OSBPL9: variants seen among roughly 807,000 people sequenced by gnomAD.
The protein encoded by OSBPL9 is oxysterol binding protein like 9.
Under a neutral mutation model 106.6 loss-of-function variants are expected in OSBPL9, and 40 were observed. The observed-to-expected ratio is 0.38, with a 90% CI of 0.29 to 0.49. The LOEUF (loss-of-function observed/expected upper bound fraction) is 0.49. Among genes scored for constraint, OSBPL9 ranks in the 20% least tolerant of loss-of-function variants. The probability of loss-of-function intolerance (pLI) is 0.97; values close to 1 mark genes in which losing one functional copy is unlikely to be tolerated. For synonymous variants in OSBPL9, 269 were observed against 295.4 expected (o/e 0.91, Z 0.92); for missense variants, 609 against 887.2 (o/e 0.69, Z 3.98).
chr1:51,748,872 G>C (rs1288040862), intron 7 of OSBPL9, among the ~76,000 whole-genome samples: 2 of 152,082 alleles, frequency 1.3e-5, no homozygotes, highest in Admixed American at 6.5e-5. Flanking sequence ...GATCACCTGA[G>C]GTTGGGAGTT....
At chr1:51,592,299 T>G (rs930379699) in intron 1 of OSBPL9, among the ~76,000 whole-genome samples, 2 of 151,896 alleles carry the variant, frequency 1.3e-5, no homozygotes, top group Non-Finnish European at 2.9e-5. Flanking sequence ...TATTTTTTAG[T>G]AGAGACAGGG....
chr1:51,629,614 C>T (rs1157060693), intron 1 of OSBPL9, among the ~76,000 whole-genome samples: 1 of 152,094 alleles, frequency 6.6e-6, no homozygotes, highest in African/African-American at 2.4e-5. Flanking sequence ...CGCTGAAATG[C>T]AACTGACAAA....
chr1:51,582,518 C>A (rs1174094475), intron 1 of OSBPL9, among the ~76,000 whole-genome samples: 1 of 151,880 alleles, frequency 6.6e-6, no homozygotes, highest in African/African-American at 2.4e-5. Flanking sequence ...TTAGTAGAGA[C>A]GGGGTTTCAC....
rs1478414345 is a variant in OSBPL9, at chr1:51,758,086, TGG to T, written c.582+1729_582+1730del. Among the ~76,000 whole-genome samples the T allele has an allele frequency of 2.0e-5, 3 of 152,270 alleles. No individual in the cohort carries two copies. The East Asian group carries it at 5.8e-4, about 29-fold the overall frequency. On this transcript the variant is annotated intron_variant, in intron 9 of 23. Transcript: ENST00000428468. The stretch of plus-strand genomic sequence containing the variant: ...CCTGAAGTTGGCTGACCAAGGACTG[TGG>T]ATAAGTGTAGCATAGTTATTTTTTC...
At chr1:51,678,896 C>A (rs1396403464) in intron 3 of OSBPL9, among the ~76,000 whole-genome samples, 2 of 152,188 alleles carry the variant, frequency 1.3e-5, no homozygotes, top group African/African-American at 4.8e-5. Flanking sequence ...GCTATCTCAA[C>A]ACTATCACTA....
chr1:51,610,724 A>G (rs187136560), intron 2 of OSBPL9, among the ~76,000 whole-genome samples: 18 of 152,348 alleles, frequency 1.2e-4, no homozygotes, highest in African/African-American at 3.6e-4. Flanking sequence ...GTAAGTAAAA[A>G]TGGTTTCTGG....
At chr1:51,646,673 GACTAC>G (rs1646175142) in intron 1 of OSBPL9, among the ~76,000 whole-genome samples, 1 of 152,120 alleles carries the variant, frequency 6.6e-6, no homozygotes, top group African/African-American at 2.4e-5. Context: ...GAGTAGCTGG[GACTAC>G]AGGCGCCCAC....
the OSBPL9 span, among the ~76,000 whole-genome samples, chr1:51,543,963 C>G: frequency 6.6e-6 from 1 of 152,202 alleles, no homozygotes; most frequent in Non-Finnish European, 1.5e-5. Flanking sequence ...CTGGCTAGGA[C>G]AATACTTCCC....
intron 4 of OSBPL9, among the ~76,000 whole-genome samples, chr1:51,727,981 A>C (rs992123352): frequency 2.0e-5 from 3 of 152,238 alleles, no homozygotes; most frequent in Non-Finnish European, 4.4e-5. Flanking sequence ...GTAGAAGTAA[A>C]TAAGTGAAGT....
At chr1:51,756,274 C>G (rs1175518874) in intron 8 of OSBPL9, 46 bp from the exon 9 acceptor site, 2 of 1,526,704 alleles carry the variant, frequency 1.3e-6, no homozygotes, top group South Asian at 1.1e-5. Flanking sequence ...CAAGGAGTTA[C>G]TTACATGTAA....
intron 3 of OSBPL9, chr1:51,669,933 C>G: frequency 2.6e-6 from 1 of 384,512 alleles, no homozygotes; most frequent in South Asian, 1.9e-5. Context: ...TAAATTGAAG[C>G]TTAGTGGCAA....
chr1:51,572,672 T>C (rs1262132175), upstream of OSBPL9, among the ~76,000 whole-genome samples: 2 of 152,158 alleles, frequency 1.3e-5, no homozygotes, highest in Non-Finnish European at 1.5e-5. Flanking sequence ...GTATATAGCC[T>C]TGGGCAAATA....
chr1:51,536,812 G>T, the OSBPL9 span, among the ~76,000 whole-genome samples: 4 of 152,124 alleles, frequency 2.6e-5, no homozygotes, highest in African/African-American at 9.7e-5. Context: ...ATGATGTTGT[G>T]TCCTTCTCAG....
chr1:51,532,685 T>C, the OSBPL9 span, among the ~76,000 whole-genome samples: 2 of 151,916 alleles, frequency 1.3e-5, no homozygotes, highest in Non-Finnish European at 2.9e-5. Context: ...TTGTGCAGGG[T>C]AGGGATCTTG....
the OSBPL9 span, among the ~76,000 whole-genome samples, chr1:51,554,482 T>C: frequency 6.6e-6 from 1 of 152,230 alleles, no homozygotes. Flanking sequence ...GGGTACTTTA[T>C]ACTCTGAATT....
chr1:51,586,375 C>T (rs992153529), intron 1 of OSBPL9, among the ~76,000 whole-genome samples: 7 of 151,996 alleles, frequency 4.6e-5, no homozygotes, highest in African/African-American at 1.7e-4. Context: ...GACATTAGGT[C>T]ATAAACATTT....
chr1:51,695,619 G>A (rs866715517), intron 3 of OSBPL9, among the ~76,000 whole-genome samples: 5 of 152,182 alleles, frequency 3.3e-5, no homozygotes, highest in South Asian at 2.1e-4. Flanking sequence ...AGCGAAAACA[G>A]AATGGGATGG....
intron 3 of OSBPL9, among the ~76,000 whole-genome samples, chr1:51,703,128 CT>C (rs950144371): frequency 1.3e-5 from 2 of 152,124 alleles, no homozygotes; most frequent in Admixed American, 1.3e-4. Flanking sequence ...AATGTGGGCT[CT>C]TTTTTGGTTC....
intron 1 of OSBPL9, among the ~76,000 whole-genome samples, chr1:51,643,983 G>A (rs1245461717): frequency 6.6e-6 from 1 of 151,196 alleles, no homozygotes; most frequent in Non-Finnish European, 1.5e-5. Flanking sequence ...TGGAGGCTGA[G>A]GTGGGAGGAT....
Sources: allele counts gnomAD v4.1 joint callset (sites outside exome capture counted in the v4.1 genomes callset), GRCh38; gene constraint gnomAD v4.1.1; transcripts MANE v1.5; gene names NCBI Gene and HGNC (gene_info 2026-07-23, HGNC 2026-07-21).